COL15A1: variants seen among roughly 807,000 people sequenced by gnomAD.
COL15A1 encodes the protein collagen type XV alpha 1 chain, also known as collagen alpha-1(XV) chain.
In COL15A1, 111 loss-of-function variants were observed where a neutral mutation model predicts 165.9. The ratio of observed to expected loss-of-function variants is 0.67; its 90% CI spans 0.57 to 0.78. The LOEUF (loss-of-function observed/expected upper bound fraction) is 0.78. Ranked by LOEUF, COL15A1 falls within the 30% of genes least tolerant of loss-of-function variation. COL15A1 has a pLI of 0.00. For synonymous variants in COL15A1, 659 were observed against 674.8 expected (o/e 0.98, Z 0.36); for missense variants, 1,745 against 1,789.7 (o/e 0.98, Z 0.45).
chr9:98,945,382 C>G (rs1837562342), intron 2 of COL15A1, among the ~76,000 whole-genome samples: 1 of 152,210 alleles, frequency 6.6e-6, no homozygotes, highest in Non-Finnish European at 1.5e-5. Context: ...GGCTCTTGCC[C>G]TTGCTCAGCT....
chr9:99,015,655 C>T, intron 10 of COL15A1, 89 bp downstream of exon 10: 1 of 1,285,762 alleles, frequency 7.8e-7, no homozygotes, highest in South Asian at 1.3e-5. Context: ...TTGGCAGGGG[C>T]ACCTGTAGCT....
intron 7 of COL15A1, 138 bp downstream of exon 7, chr9:99,001,089 C>T (rs1838644936): frequency 9.2e-6 from 6 of 654,884 alleles, no homozygotes; most frequent in South Asian, 7.1e-5. Flanking sequence ...CTTCTGTCCT[C>T]ATGGTACAGA....
At chr9:99,020,203 C>T (rs1344287055) in intron 11 of COL15A1, among the ~76,000 whole-genome samples, 186 bp from the exon 12 acceptor site, 2 of 152,156 alleles carry the variant, frequency 1.3e-5, no homozygotes, top group Non-Finnish European at 2.9e-5. Flanking sequence ...TTATTATCTG[C>T]CGGTGCAGGG....
At chr9:99,046,498 A>C (rs1019290818) in intron 26 of COL15A1, among the ~76,000 whole-genome samples, 3 of 152,070 alleles carry the variant, frequency 2.0e-5, no homozygotes. Flanking sequence ...TAGATAATTT[A>C]CAAAGAAAAG....
intron 2 of COL15A1, among the ~76,000 whole-genome samples, chr9:98,946,719 G>A (rs1837590202): frequency 6.6e-6 from 1 of 152,214 alleles, no homozygotes; most frequent in Admixed American, 6.5e-5. Flanking sequence ...AACCAGCAGT[G>A]TTTTAAGTGC....
intron 2 of COL15A1, among the ~76,000 whole-genome samples, chr9:98,965,067 T>C (rs1255980650): frequency 6.6e-6 from 1 of 152,168 alleles, no homozygotes; most frequent in Non-Finnish European, 1.5e-5. Flanking sequence ...AAAGTATGTC[T>C]CCTGCTGTTG....
chr9:99,019,218 G>A (rs1838986562), intron 11 of COL15A1, among the ~76,000 whole-genome samples: 1 of 152,100 alleles, frequency 6.6e-6, no homozygotes, highest in South Asian at 2.1e-4. Flanking sequence ...TCTTGAGACA[G>A]GGCCTCACTC....
chr9:98,980,404 G>A (rs935375763), intron 2 of COL15A1, among the ~76,000 whole-genome samples: 2 of 152,224 alleles, frequency 1.3e-5, no homozygotes, highest in African/African-American at 4.8e-5. Flanking sequence ...CAGGGGAAGC[G>A]AGGCCTGGGC....
chr9:98,986,387 C>T (rs564912343), intron 3 of COL15A1: 3 of 389,512 alleles, frequency 7.7e-6, no homozygotes, highest in African/African-American at 2.0e-5. Context: ...ACCTACCCCA[C>T]AGTCTTGTAG....
chr9:99,036,693 CT>C (rs758280951), intron 21 of COL15A1, among the ~76,000 whole-genome samples: 1 of 152,244 alleles, frequency 6.6e-6, no homozygotes, highest in Non-Finnish European at 1.5e-5. Context: ...GCAGTGCACA[CT>C]TTCCCCAGCC....
intron 2 of COL15A1, among the ~76,000 whole-genome samples, chr9:98,962,488 C>G (rs1454070589): frequency 6.6e-6 from 1 of 152,140 alleles, no homozygotes; most frequent in Non-Finnish European, 1.5e-5. Flanking sequence ...CCAGTAACAA[C>G]TGGGGAATAA....
rs952828002 is a variant in COL15A1 at position 99,040,784 on chromosome 9, G to C, written c.2511+228G>C. On this transcript the variant is annotated intron_variant, in intron 23 of 41. Coordinates refer to ENST00000375001, the MANE Select transcript of COL15A1 (RefSeq NM_001855.5). ...TCCATCTGCGTCAGCCTCCCAAAGT[G>C]CTGGGATTACAAGCATGAGCCCCTG... 7 of 690,060 alleles carry C rather than the reference G, an allele frequency of 1.0e-5. No homozygotes were observed. The African/African-American group carries it at 1.3e-4, about 12-fold the overall frequency. The allele number at this position is 690,060 out of a possible 1,614,324, so 42.7% of individuals were successfully genotyped here. A position where few individuals can be genotyped will look rare whatever the true frequency, so the allele number is the denominator to read the frequency against.
chr9:99,033,700 C>A (rs993168326), intron 16 of COL15A1, among the ~76,000 whole-genome samples: 1 of 152,206 alleles, frequency 6.6e-6, no homozygotes, highest in Non-Finnish European at 1.5e-5. Flanking sequence ...AGCCCAGGAA[C>A]AAAAATGACT....
chr9:98,990,674 A>G (rs923440918), intron 5 of COL15A1, among the ~76,000 whole-genome samples: 3 of 152,206 alleles, frequency 2.0e-5, no homozygotes, highest in Non-Finnish European at 4.4e-5. Context: ...AGATGATCAC[A>G]GGGGACAGAA....
chr9:99,002,380 C>T (rs1253646616), intron 7 of COL15A1, among the ~76,000 whole-genome samples: 1 of 152,096 alleles, frequency 6.6e-6, no homozygotes, highest in Non-Finnish European at 1.5e-5. Context: ...CCCAGCTCAC[C>T]AAATGGTTTG....
chr9:99,062,176 T>C, intron 37 of COL15A1, 69 bp from the exon 38 acceptor site: 1 of 1,601,378 alleles, frequency 6.2e-7, no homozygotes, highest in South Asian at 1.1e-5. Flanking sequence ...TAAATGCCAT[T>C]TTTTTCTGTT....
chr9:98,974,443 C>T (rs1307034429), intron 2 of COL15A1, among the ~76,000 whole-genome samples: 1 of 152,140 alleles, frequency 6.6e-6, no homozygotes, highest in African/African-American at 2.4e-5. Flanking sequence ...GGGAAAGAAC[C>T]GTCCCAGAAG....
At chr9:99,049,570 G>A in intron 28 of COL15A1, 120 bp from the exon 29 acceptor site, 1 of 1,254,774 alleles carries the variant, frequency 8.0e-7, no homozygotes, top group Non-Finnish European at 1.1e-6. Context: ...AGCAACCTGA[G>A]AGAGAAGTTG....
intron 5 of COL15A1, among the ~76,000 whole-genome samples, chr9:98,993,141 T>C (rs1838476734): frequency 6.6e-6 from 1 of 152,226 alleles, no homozygotes. Flanking sequence ...CTCAGTTTCC[T>C]CCTTGGTTAC....
Sources: allele counts gnomAD v4.1 joint callset (sites outside exome capture counted in the v4.1 genomes callset), GRCh38; gene constraint gnomAD v4.1.1; transcripts MANE v1.5; gene names NCBI Gene and HGNC (gene_info 2026-07-23, HGNC 2026-07-21).